AKNA: variants seen among roughly 807,000 people sequenced by gnomAD.
The protein encoded by AKNA is AT-hook transcription factor, also known as microtubule organization protein AKNA.
Under a neutral mutation model 138.8 loss-of-function variants are expected in AKNA, and 67 were observed. The observed-to-expected ratio is 0.48, with a 90% confidence interval of 0.40 to 0.59. The LOEUF (loss-of-function observed/expected upper bound fraction) is 0.59, where lower values mean the gene tolerates loss of function less well. Among genes scored for constraint, AKNA ranks in the 20% least tolerant of loss-of-function variants. The pLI is 0.00. For missense variants in AKNA, 1,813 were observed against 1,880.4 expected (o/e 0.96, Z 0.66); for synonymous variants, 737 against 754.4 (o/e 0.98, Z 0.38).
chr9:114,350,928 G>T lies in AKNA; in HGVS notation c.3152C>A (p.Ala1051Asp). Residue 1051 changes from alanine (A) to aspartate (D), a missense_variant, in exon 15 of 22, where the codon GCC (alanine) becomes GAC (aspartate). Ala to Asp is a moderately radical substitution (Grantham distance 126). Coordinates refer to ENST00000374088, the MANE Select transcript of AKNA (RefSeq NM_001317950.2). ...TGGTCCACAGGGTAGAGGCGCAGCG[G>T]CAGGGGCGGGGGCTGGGGGTGGGCT... ...TISPPPAPAPAAAPLPCGPTE... is the reference protein window; with the variant it reads ...TISPPPAPAPDAAPLPCGPTE... The T allele has an allele frequency of 6.2e-7, 1 of 1,611,258 alleles. No individual in the cohort carries two copies. The highest frequency in any genetic ancestry group is 8.5e-7 in the Non-Finnish European group (1 of 1,178,916).
Position 114,362,260 on chromosome 9 carries a change from A to G in AKNA, c.1916+146T>C. ...AATCACAGCTTTTGATCGTGCCACCATTTGGATATGTATACTAATTAGGAT... is the reference window on the plus strand; with the variant it reads ...AATCACAGCTTTTGATCGTGCCACCGTTTGGATATGTATACTAATTAGGAT... On this transcript the variant is annotated intron_variant, in intron 8 of 21. Transcript: ENST00000374088. 3.1e-6 allele frequency: 4 copies of G among 1,285,868 alleles called. No homozygotes were observed. The South Asian group carries it at 6.3e-5, about 20-fold the overall frequency. The allele number at this position is 1,285,868 out of a possible 1,614,324, so 79.7% of individuals were successfully genotyped here.
In AKNA at chr9:114,387,947, T is replaced by A. The variant is rs1482773877; in HGVS notation, c.-201A>T. On this transcript the variant is annotated 5_prime_UTR_variant, in exon 1 of 22. Transcript: ENST00000374088. ...TGTTCCAAACCCAGGGAGCCCCCTG[T>A]CTCCATTGCGCCCTGGCCCACCTCC... The A allele has an allele frequency of 2.9e-5, 13 of 446,238 alleles. No individual in the cohort carries two copies. Among genetic ancestry groups the A allele is most frequent in the Admixed American group, 2.9e-4 (12 of 42,020 alleles). 27.6% of individuals were successfully genotyped at this position (446,238 alleles called of 1,614,324 possible).
At chr9:114,338,438 G>A (rs372250145) in intron 21 of AKNA, among the ~76,000 whole-genome samples, 10 of 152,336 alleles carry the variant, frequency 6.6e-5, no homozygotes, top group East Asian at 1.9e-4. Flanking sequence ...TGTAAATGGT[G>A]GAGCCACTGT....
chr9:114,353,104 TTGG>T (rs1831246897), intron 14 of AKNA, among the ~76,000 whole-genome samples: 3 of 152,148 alleles, frequency 2.0e-5, no homozygotes, highest in African/African-American at 7.2e-5. Flanking sequence ...TAAGTTCTTT[TTGG>T]TGGTTTTTAA....
rs770865661 is a variant in AKNA, at chr9:114,361,792, G to A, written c.2036C>T (p.Pro679Leu). ...TGGCTGATGGAGGCAGGGCAGGGCT[G>A]GGGTGCTGTCCAGAGCTGAGTCTGA... ...PGSDSALDST[P>L]ALPCLHQPTH... Residue 679 changes from proline to leucine, a missense_variant, in exon 9 of 22, where the codon CCA becomes CTA. Physicochemically the swap from Pro to Leu is moderately conservative, Grantham distance 98 (BLOSUM62 -3). Coordinates refer to ENST00000374088, the MANE Select transcript of AKNA (RefSeq NM_001317950.2). 4.3e-6 allele frequency: 7 copies of A among 1,613,898 alleles called. No homozygotes were observed. The highest frequency in any genetic ancestry group is 5.1e-6 in the Non-Finnish European group (6 of 1,180,012).
chr9:114,357,072 C>T (rs1831553682), intron 12 of AKNA, 103 bp from the exon 13 acceptor site: 10 of 1,013,548 alleles, frequency 9.9e-6, no homozygotes, highest in Non-Finnish European at 1.4e-5. Flanking sequence ...AGGCTCACAC[C>T]CCAGGGTTGC....
Position 114,378,225 on chromosome 9 carries a change from G to A in AKNA, c.275-693C>T, listed in dbSNP as rs562358929. 1.8e-3 allele frequency among the ~76,000 whole-genome samples: 271 copies of A among 152,276 alleles called. 2 individuals carry two copies. Among genetic ancestry groups the A allele is most frequent in the South Asian group, 2.7e-3 (13 of 4,818 alleles). On this transcript the variant is annotated intron_variant, in intron 2 of 21. Transcript: ENST00000374088. ...GGGCTACGCATGTGCGCATCCCTCT[G>A]CCGAGGGATTCTCTCCCCTCCTTGG...
chr9:114,390,814 T>A (rs570660655), upstream of AKNA, among the ~76,000 whole-genome samples: 5 of 152,296 alleles, frequency 3.3e-5, no homozygotes, highest in East Asian at 9.6e-4. Context: ...CCTCACCCAG[T>A]CCCACTTCTT....
At chr9:114,396,529 A>C (rs1325186744), upstream of AKNA, among the ~76,000 whole-genome samples, 1 of 152,096 alleles carries the variant, frequency 6.6e-6, no homozygotes, top group Non-Finnish European at 1.5e-5. Context: ...AAATACAAAA[A>C]TTAGCCAGGT....
chr9:114,345,809 A>T, intron 18 of AKNA, 54 bp downstream of exon 18: 1 of 1,566,548 alleles, frequency 6.4e-7, no homozygotes, highest in East Asian at 2.3e-5. Context: ...ATAACAGAGG[A>T]GCCCCCGCTG....
intron 4 of AKNA, among the ~76,000 whole-genome samples, chr9:114,373,010 C>T (rs1224785388): frequency 7.7e-6 from 1 of 129,330 alleles, no homozygotes; most frequent in East Asian, 2.7e-4. Flanking sequence ...CCTTCCATTT[C>T]CTCACCACAG....
rs774605479 is a variant in AKNA at position 114,358,127 on chromosome 9, A to G, written c.2533T>C (p.Phe845Leu). The G allele has an allele frequency of 1.2e-6, 2 of 1,614,066 alleles. No homozygotes were observed. Among genetic ancestry groups the G allele is most frequent in the Non-Finnish European group, 1.7e-6 (2 of 1,180,018 alleles). The change falls in exon 12 of 22, where the codon TTC becomes CTC. Residue 845 changes from phenylalanine to leucine, a missense_variant. Phe to Leu is a conservative substitution (Grantham distance 22, BLOSUM62 0). Transcript: ENST00000374088. ...CCGTCTCTAGCCAGGGATGCCTGGA[A>G]ACCTGGTGGCTTCATAGATACCATC... Reference protein sequence around the residue: ...EKMVSMKPPGFQASLARDGHM... With the variant: ...EKMVSMKPPGLQASLARDGHM...
chr9:114,387,867 G>A lies in AKNA; in HGVS notation c.-121C>T, dbSNP rs1208668573. The stretch of plus-strand genomic sequence containing the variant: ...TCCGTTCCAATCCCTTACCTCTCTC[G>A]GGCTCCACCACCGTCCTGCCGACCC... On this transcript the variant is annotated 5_prime_UTR_variant, in exon 1 of 22. Transcript: ENST00000374088. 2.2e-5 allele frequency: 10 copies of A among 454,260 alleles called. No individual in the cohort carries two copies. Among genetic ancestry groups the A allele is most frequent in the Middle Eastern group, 3.3e-4 (1 of 3,070 alleles). 28.1% of individuals were successfully genotyped at this position (454,260 alleles called of 1,614,324 possible). A position where few individuals can be genotyped will look rare whatever the true frequency, so the allele number is the denominator to read the frequency against.
chr9:114,371,438 C>T (rs1351011127), intron 4 of AKNA, among the ~76,000 whole-genome samples: 2 of 152,250 alleles, frequency 1.3e-5, no homozygotes, highest in Non-Finnish European at 2.9e-5. Flanking sequence ...TAACAGTCAT[C>T]AATCCACCTC....
At chr9:114,341,151 A>G (rs561343793) in intron 21 of AKNA, among the ~76,000 whole-genome samples, 33 of 152,292 alleles carry the variant, frequency 2.2e-4, no homozygotes, top group African/African-American at 7.5e-4. Context: ...AACTGTCCTA[A>G]AAAATAAAGT....
At chr9:114,351,097 T>C in intron 14 of AKNA, 76 bp from the exon 15 acceptor site, 25 of 1,458,576 alleles carry the variant, frequency 1.7e-5, no homozygotes, top group East Asian at 2.4e-5. Context: ...GCAGGTGGAA[T>C]GATGGGGGAA....
chr9:114,346,841 G>A, intron 16 of AKNA, 57 bp from the exon 17 acceptor site: 1 of 1,456,890 alleles, frequency 6.9e-7, no homozygotes, highest in Non-Finnish European at 9.5e-7. Flanking sequence ...GGCCTTTAAA[G>A]GTTATTTGTG....
At chr9:114,370,352 G>A (rs537626566) in intron 4 of AKNA, among the ~76,000 whole-genome samples, 3 of 152,354 alleles carry the variant, frequency 2.0e-5, no homozygotes, top group East Asian at 3.9e-4. Context: ...CCAGCCCTCT[G>A]ACATGTTTCC....
At chr9:114,359,840 A>G (rs749379941) in intron 10 of AKNA, 46 bp from the exon 11 acceptor site, 2 of 1,612,842 alleles carry the variant, frequency 1.2e-6, no homozygotes, top group Non-Finnish European at 1.7e-6. Flanking sequence ...CCAGTGGGGG[A>G]CAGCCAAGAT....
Sources: allele counts gnomAD v4.1 joint callset (sites outside exome capture counted in the v4.1 genomes callset), GRCh38; gene constraint gnomAD v4.1.1; transcripts MANE v1.5; gene names NCBI Gene and HGNC (gene_info 2026-07-23, HGNC 2026-07-21).